The following DCLK2 variants were observed in gnomAD, a reference collection of about 807,000 sequenced individuals.
DCLK2 encodes doublecortin like kinase 2.
In DCLK2, 31 loss-of-function variants were observed where a neutral mutation model predicts 78.4. The observed-to-expected ratio is 0.40, with a 90% confidence interval of 0.30 to 0.53. DCLK2 has a LOEUF of 0.53. Ranked by LOEUF, DCLK2 falls within the 20% of genes least tolerant of loss-of-function variation. DCLK2 has a pLI of 0.61. For synonymous variants in DCLK2, 407 were observed against 374.9 expected (o/e 1.09, Z -0.99); for missense variants, 872 against 973.7 (o/e 0.90, Z 1.39).
chr4:150,233,385 C>T (rs764314022), intron 10 of DCLK2, among the ~76,000 whole-genome samples: 9 of 152,162 alleles, frequency 5.9e-5, no homozygotes, highest in Non-Finnish European at 1.2e-4. Context: ...AGAGCCAAAG[C>T]ATGTCACCAG....
chr4:150,218,368 T>C (rs772713287), intron 5 of DCLK2, among the ~76,000 whole-genome samples: 2 of 152,208 alleles, frequency 1.3e-5, no homozygotes, highest in Non-Finnish European at 2.9e-5. Context: ...AACACTTCGA[T>C]TAGTTACTGA....
intron 15 of DCLK2, chr4:150,253,946 C>A (rs1474696122): frequency 2.4e-5 from 23 of 969,214 alleles, no homozygotes; most frequent in Non-Finnish European, 2.8e-5. Flanking sequence ...TAAGTGTAAT[C>A]TCAGCCAGCC....
intron 2 of DCLK2, among the ~76,000 whole-genome samples, chr4:150,143,753 G>T (rs770282174): frequency 3.3e-5 from 5 of 152,070 alleles, no homozygotes; most frequent in Admixed American, 2.0e-4. Context: ...ATTCTGACTG[G>T]TGTAGGATAA....
intron 1 of DCLK2, among the ~76,000 whole-genome samples, chr4:150,084,286 C>T (rs1382551250): frequency 6.6e-6 from 1 of 152,102 alleles, no homozygotes; most frequent in African/African-American, 2.4e-5. Context: ...CCTCTAAGTC[C>T]CTTAGTTGTC....
chr4:150,111,071 TAG>T (rs1731658531), intron 2 of DCLK2, among the ~76,000 whole-genome samples: 2 of 152,206 alleles, frequency 1.3e-5, no homozygotes, highest in Non-Finnish European at 2.9e-5. Flanking sequence ...CTGTTTTCCA[TAG>T]AGGTTGTACT....
chr4:150,206,980 C>A (rs1235078700), intron 5 of DCLK2, among the ~76,000 whole-genome samples: 1 of 152,092 alleles, frequency 6.6e-6, no homozygotes, highest in Non-Finnish European at 1.5e-5. Flanking sequence ...AGTGGCATGA[C>A]AGATGAGGAA....
chr4:150,110,700 A>G (rs972386360), intron 2 of DCLK2, among the ~76,000 whole-genome samples: 2 of 152,088 alleles, frequency 1.3e-5, no homozygotes, highest in African/African-American at 4.8e-5. Flanking sequence ...GTGTTCCCAT[A>G]GCTTAGTTCC....
At chr4:150,172,411 G>A (rs1418499779) in intron 2 of DCLK2, among the ~76,000 whole-genome samples, 1 of 151,778 alleles carries the variant, frequency 6.6e-6, no homozygotes, top group Non-Finnish European at 1.5e-5. Context: ...AGACCATCCT[G>A]GCTAACATGG....
chr4:150,083,361 A>G (rs1243031592), intron 1 of DCLK2, among the ~76,000 whole-genome samples: 2 of 152,284 alleles, frequency 1.3e-5, no homozygotes, highest in Admixed American at 6.5e-5. Flanking sequence ...GGCATATGAG[A>G]GAGTTTTGGT....
chr4:150,149,051 A>G (rs965772336), intron 2 of DCLK2, among the ~76,000 whole-genome samples: 1 of 151,358 alleles, frequency 6.6e-6, no homozygotes, highest in African/African-American at 2.4e-5. Context: ...AAAAAAAAAA[A>G]AAAAAGAAAG....
chr4:150,184,676 A>G lies in DCLK2; in HGVS notation c.757-8462A>G, dbSNP rs1580670320. 1.3e-5 allele frequency among the ~76,000 whole-genome samples: 2 copies of G among 148,832 alleles called. 1 individual carries two copies. Among genetic ancestry groups the G allele is most frequent in the African/African-American group, 5.0e-5 (2 of 40,128 alleles). On this transcript the variant is annotated intron_variant, in intron 2 of 15. Coordinates refer to ENST00000296550, the MANE Select transcript of DCLK2 (RefSeq NM_001040260.4). Reference sequence around the variant, plus strand: ...GAGTGCAGTAGCGCGATCTCGGCTCACTGCAAGCTCGACCTCCTGGGTTCA... The same window carrying G: ...GAGTGCAGTAGCGCGATCTCGGCTCGCTGCAAGCTCGACCTCCTGGGTTCA...
intron 15 of DCLK2, among the ~76,000 whole-genome samples, chr4:150,252,050 T>G (rs1441267267): frequency 2.0e-5 from 3 of 152,130 alleles, no homozygotes; most frequent in African/African-American, 7.2e-5. Context: ...CCTTTTGAGT[T>G]GTGGTTTCCC....
At chr4:150,115,056 G>T (rs558885338) in intron 2 of DCLK2, among the ~76,000 whole-genome samples, 1 of 152,160 alleles carries the variant, frequency 6.6e-6, no homozygotes, top group East Asian at 1.9e-4. Flanking sequence ...ATATAATCCT[G>T]TATTTTCTGG....
intron 1 of DCLK2, 35 bp downstream of exon 1, chr4:150,079,483 G>A (rs1304537618): frequency 1.4e-6 from 2 of 1,444,730 alleles, no homozygotes; most frequent in Non-Finnish European, 1.8e-6. Flanking sequence ...CAGGTGCGGC[G>A]GAGCGCCGGC....
rs72951546 is a variant in DCLK2, at chr4:150,235,120, C to G, written c.1566+2292C>G. On this transcript the variant is annotated intron_variant, in intron 10 of 15. Coordinates refer to ENST00000296550, the MANE Select transcript of DCLK2 (RefSeq NM_001040260.4). ...ACAGGTTCCCAAGGAACCCCTGCAG[C>G]CAGTCTGTCCAACAGCCCTGATTTA... 6.1e-3 allele frequency among the ~76,000 whole-genome samples: 927 copies of G among 152,264 alleles called. 6 individuals are homozygous for G. Among genetic ancestry groups the G allele is most frequent in the African/African-American group, 0.021 (869 of 41,548 alleles).
chr4:150,190,235 TTAGA>T (rs35680371), intron 2 of DCLK2, among the ~76,000 whole-genome samples: 6,417 of 115,232 alleles, frequency 0.056, 215 homozygotes, highest in East Asian at 0.12. Flanking sequence ...AGATGGATAG[TTAGA>T]TAGATAGATA....
chr4:150,218,053 C>T (rs1379392355), intron 5 of DCLK2, among the ~76,000 whole-genome samples: 1 of 149,844 alleles, frequency 6.7e-6, no homozygotes, highest in Non-Finnish European at 1.5e-5. Flanking sequence ...CGCTCTCACT[C>T]TCGCTCTCTC....
chr4:150,175,096 A>ATATATT lies in DCLK2; in HGVS notation c.757-18037_757-18036insTTATAT, dbSNP rs1560835085. ...TATTTATATATTTATATATATATTT[A>ATATATT]TATATATTTATATATTTATATTTTT... On this transcript the variant is annotated intron_variant, in intron 2 of 15. Coordinates refer to ENST00000296550, the MANE Select transcript of DCLK2 (RefSeq NM_001040260.4). Among the ~76,000 whole-genome samples the ATATATT allele has an allele frequency of 3.9e-3, 199 of 50,966 alleles. 34 individuals carry two copies. The highest frequency in any genetic ancestry group is 0.019 in the African/African-American group (185 of 9,980). 33.4% of individuals were successfully genotyped at this position (50,966 alleles called of 152,430 possible).
chr4:150,161,755 T>C (rs1297985983), intron 2 of DCLK2, among the ~76,000 whole-genome samples: 1 of 152,192 alleles, frequency 6.6e-6, no homozygotes, highest in Non-Finnish European at 1.5e-5. Flanking sequence ...AAGTGGGAGA[T>C]GAGAGATTGC....
Sources: gnomAD v4.1 joint callset for allele counts (sites outside exome capture counted in the v4.1 genomes callset) on GRCh38, gnomAD v4.1.1 for gene constraint, MANE v1.5 for transcripts, NCBI Gene and HGNC (gene_info 2026-07-23, HGNC 2026-07-21) for gene names.